NR3C2: variants seen among roughly 807,000 people sequenced by gnomAD.
NR3C2 encodes mineralocorticoid receptor.
In NR3C2, 15 loss-of-function variants were observed where a neutral mutation model predicts 86.4. The ratio of observed to expected loss-of-function variants is 0.17; its 90% CI spans 0.12 to 0.27. NR3C2 has a LOEUF of 0.27. Ranked by LOEUF, NR3C2 falls within the 10% of genes least tolerant of loss-of-function variation. NR3C2 has a pLI of 1.00. For missense variants in NR3C2, 960 were observed against 1,195.6 expected, an observed-to-expected ratio of 0.80 and a Z score of 2.91; for synonymous variants, 458 against 450.5, an observed-to-expected ratio of 1.02 and a Z score of -0.21.
At chr4:148,328,586 C>G (rs1298544806) in intron 2 of NR3C2, among the ~76,000 whole-genome samples, 1 of 152,188 alleles carries the variant, frequency 6.6e-6, no homozygotes, top group Admixed American at 6.5e-5. Flanking sequence ...TCCTGAATAA[C>G]AGCAACCAAA....
intron 2 of NR3C2, among the ~76,000 whole-genome samples, chr4:148,399,890 T>C (rs1351929243): frequency 6.6e-6 from 1 of 152,244 alleles, no homozygotes; most frequent in African/African-American, 2.4e-5. Context: ...CAGCTCACTG[T>C]GTGGCTATTG....
chr4:148,114,287 A>C, intron 7 of NR3C2, 26 bp from the exon 8 acceptor site: 1 of 1,612,874 alleles, frequency 6.2e-7, no homozygotes, highest in South Asian at 1.1e-5. Flanking sequence ...CAGACATGTA[A>C]ATTTCCAGGA....
At chr4:148,293,593 C>A (rs1305378524) in intron 2 of NR3C2, among the ~76,000 whole-genome samples, 4 of 152,122 alleles carry the variant, frequency 2.6e-5, no homozygotes, top group Non-Finnish European at 5.9e-5. Flanking sequence ...TTCTTACAAT[C>A]ACAACTGGTC....
At chr4:148,179,272 T>C (rs188990818) in intron 4 of NR3C2, among the ~76,000 whole-genome samples, 33 of 151,698 alleles carry the variant, frequency 2.2e-4, no homozygotes, top group Middle Eastern at 3.4e-3. Flanking sequence ...GTTCGGATTA[T>C]AGGTCTCTTG....
chr4:148,353,540 C>G (rs1027086502), intron 2 of NR3C2, among the ~76,000 whole-genome samples: 1 of 152,032 alleles, frequency 6.6e-6, no homozygotes, highest in African/African-American at 2.4e-5. Context: ...AAGGCTTACA[C>G]AAAAGCATAC....
At chr4:148,107,609 T>C (rs897620600) in intron 8 of NR3C2, among the ~76,000 whole-genome samples, 1 of 152,338 alleles carries the variant, frequency 6.6e-6, no homozygotes, top group South Asian at 2.1e-4. Context: ...ATGCCCATCA[T>C]TGATAGGCTG....
chr4:148,203,178 T>C (rs1370438651), intron 3 of NR3C2, among the ~76,000 whole-genome samples: 1 of 152,168 alleles, frequency 6.6e-6, no homozygotes, highest in East Asian at 1.9e-4. Flanking sequence ...ATCTGAGGGT[T>C]TGGTTGTTGT....
At chr4:148,360,861 A>C (rs1161417433) in intron 2 of NR3C2, among the ~76,000 whole-genome samples, 1 of 152,194 alleles carries the variant, frequency 6.6e-6, no homozygotes, top group African/African-American at 2.4e-5. Context: ...GGTTGGCAAG[A>C]AACAGTAATG....
chr4:148,248,448 A>G (rs1314024148), intron 3 of NR3C2, among the ~76,000 whole-genome samples: 1 of 152,200 alleles, frequency 6.6e-6, no homozygotes, highest in Non-Finnish European at 1.5e-5. Context: ...AGAGAATGCA[A>G]TATGTTTTAG....
intron 2 of NR3C2, among the ~76,000 whole-genome samples, chr4:148,321,700 C>T (rs764556616): frequency 2.6e-5 from 4 of 151,840 alleles, no homozygotes; most frequent in East Asian, 1.9e-4. Context: ...AGGATTGCAA[C>T]CCCTGCCTTT....
At chr4:148,132,315 C>T (rs1377287010) in intron 6 of NR3C2, among the ~76,000 whole-genome samples, 3 of 152,168 alleles carry the variant, frequency 2.0e-5, no homozygotes, top group Admixed American at 1.3e-4. Flanking sequence ...AAAGTGATTT[C>T]TAAGCAACTT....
chr4:148,215,289 T>C (rs3857080), intron 3 of NR3C2, among the ~76,000 whole-genome samples: 138,430 of 152,262 alleles, frequency 0.91, 62,918 homozygotes, highest in South Asian at 0.94. Context: ...ACATTAAAAT[T>C]GACACTCAGT....
At chr4:148,289,837 G>A (rs749391385) in intron 2 of NR3C2, among the ~76,000 whole-genome samples, 31 of 151,884 alleles carry the variant, frequency 2.0e-4, no homozygotes, top group Non-Finnish European at 3.8e-4. Flanking sequence ...TGTCACATGC[G>A]AGCTGCCCTA....
chr4:148,086,746 C>T (rs1251427886), intron 8 of NR3C2, among the ~76,000 whole-genome samples: 1 of 151,956 alleles, frequency 6.6e-6, no homozygotes, highest in East Asian at 1.9e-4. Flanking sequence ...TCTCAAAAAA[C>T]AGACAAAAAA....
intron 2 of NR3C2, among the ~76,000 whole-genome samples, chr4:148,380,232 G>A (rs115960642): frequency 0.011 from 1,656 of 152,120 alleles, 14 homozygotes; most frequent in Middle Eastern, 0.027. Context: ...TCTTGTGCTT[G>A]GCTTCTTTCA....
Position 148,194,805 on chromosome 4 carries a change from C to T in NR3C2, c.1955G>A (p.Arg652Gln). The change falls in exon 4 of 9, where the codon CGA becomes CAA. Residue 652 changes from arginine to glutamine, a missense_variant. By Grantham distance (43) the Arg-to-Gln change is conservative (BLOSUM62 1). Coordinates refer to ENST00000358102, the MANE Select transcript of NR3C2 (RefSeq NM_000901.5). ...RNDCIIDKIR[R>Q]KNCPACRLQK... The stretch of plus-strand genomic sequence containing the variant: ...AAGTCTGCAAGCAGGACAATTCTTT[C>T]GTCGAATCTTATCAATGATGCAATC... The T allele has an allele frequency of 6.2e-7, 1 of 1,612,530 alleles. No homozygotes were observed. Among genetic ancestry groups the T allele is most frequent in the Non-Finnish European group, 8.5e-7 (1 of 1,179,812 alleles).
Position 148,154,558 on chromosome 4 carries a change from T to A in NR3C2, c.2358A>T (p.Val786=). 6.2e-7 allele frequency: 1 copy of A among 1,614,150 alleles called. No individual in the cohort carries two copies. Among genetic ancestry groups the A allele is most frequent in the Non-Finnish European group, 8.5e-7 (1 of 1,180,004 alleles). Residue 786 remains valine (V), a synonymous_variant, in exon 5 of 9, where the codon GTA becomes GTT. Coordinates refer to ENST00000358102, the MANE Select transcript of NR3C2 (RefSeq NM_000901.5). The part of the protein sequence containing the change: ...QMIQVVKWAK[V]LPGFKNLPLE... ...AAGGAGAGGCAATCCTACCTGGAAGTACCTTTGCCCACTTCACGACTTGGA... is the reference window on the plus strand; with the variant it reads ...AAGGAGAGGCAATCCTACCTGGAAGAACCTTTGCCCACTTCACGACTTGGA...
At chr4:148,200,358 AC>A (rs1412902055) in intron 3 of NR3C2, among the ~76,000 whole-genome samples, 2 of 139,440 alleles carry the variant, frequency 1.4e-5, no homozygotes. Flanking sequence ...CACCCCCCAC[AC>A]AGCCCCCTTC....
chr4:148,122,033 G>C (rs375236443), intron 6 of NR3C2, among the ~76,000 whole-genome samples: 1 of 152,146 alleles, frequency 6.6e-6, no homozygotes, highest in Admixed American at 6.5e-5. Flanking sequence ...GAGCATGAGC[G>C]TGCCCTTACT....
Sources: gnomAD v4.1 joint callset for allele counts (sites outside exome capture counted in the v4.1 genomes callset) on GRCh38, gnomAD v4.1.1 for gene constraint, MANE v1.5 for transcripts, NCBI Gene and HGNC (gene_info 2026-07-23, HGNC 2026-07-21) for gene names.